Variants in STARD13 observed in about 807,000 individuals in gnomAD.
STARD13 encodes the protein stAR-related lipid transfer protein 13.
In STARD13, 62 loss-of-function variants were observed where a neutral mutation model predicts 106.4. The ratio of observed to expected loss-of-function variants is 0.58; its 90% CI spans 0.48 to 0.72. The LOEUF is 0.72. STARD13 is among the 30% of genes least tolerant of loss of function. The probability of loss-of-function intolerance (pLI) is 0.00; values close to 1 mark genes in which losing one functional copy is unlikely to be tolerated. For missense variants in STARD13, 1,387 were observed against 1,424.0 expected (o/e 0.97, Z 0.42); for synonymous variants, 565 against 553.0 (o/e 1.02, Z -0.31).
chr13:33,584,125 T>A, the STARD13 span, among the ~76,000 whole-genome samples: 4 of 152,226 alleles, frequency 2.6e-5, no homozygotes, highest in African/African-American at 7.2e-5. Flanking sequence ...TTGCCAACAC[T>A]TGTTATTTTA....
At chr13:33,200,824 A>G (rs986845178) in intron 1 of STARD13, among the ~76,000 whole-genome samples, 11 of 151,500 alleles carry the variant, frequency 7.3e-5, no homozygotes, top group South Asian at 2.1e-4. Context: ...GATTGAGACC[A>G]TCCTGGCTAA....
the STARD13 span, among the ~76,000 whole-genome samples, chr13:33,438,098 G>A: frequency 6.6e-6 from 1 of 152,114 alleles, no homozygotes; most frequent in Non-Finnish European, 1.5e-5. Context: ...AACTACGGTT[G>A]TTTCTTACTT....
chr13:33,110,837 T>C lies in STARD13; in HGVS notation c.2678A>G (p.Glu893Gly), dbSNP rs147449451. 4.3e-6 allele frequency: 7 copies of C among 1,613,996 alleles called. No individual in the cohort carries two copies. The highest frequency in any genetic ancestry group is 1.7e-5 in the Admixed American group (1 of 60,004). Reference sequence around the variant, plus strand: ...CTCCTCCAGCTGTGTCCCCAATTCTTCCAGGGTTGGCACGTGGATCTCAGC... The same window carrying C: ...CTCCTCCAGCTGTGTCCCCAATTCTCCCAGGGTTGGCACGTGGATCTCAGC... Reference protein sequence around the residue: ...VEAEIHVPTLEELGTQLEESG... With the variant: ...VEAEIHVPTLGELGTQLEESG... Residue 893 changes from glutamate to glycine, a missense_variant, in exon 11 of 14, where the codon GAA (glutamate) becomes GGA (glycine). Glu to Gly is a moderately conservative substitution (Grantham distance 98). Transcript: ENST00000336934.
At chr13:33,299,831 T>G (rs1480016659) in intron 1 of STARD13, among the ~76,000 whole-genome samples, 2 of 152,214 alleles carry the variant, frequency 1.3e-5, no homozygotes, top group African/African-American at 4.8e-5. Context: ...AGACATCATC[T>G]CTGTCGTAAT....
At chr13:33,607,794 T>C in the STARD13 span, among the ~76,000 whole-genome samples, 2 of 152,336 alleles carry the variant, frequency 1.3e-5, no homozygotes. Flanking sequence ...TTATTTGCAT[T>C]ACAATAACTA....
intron 1 of STARD13, among the ~76,000 whole-genome samples, chr13:33,294,518 G>T (rs1179901123): frequency 2.0e-5 from 3 of 152,136 alleles, no homozygotes; most frequent in East Asian, 3.8e-4. Flanking sequence ...CTGCATCTGG[G>T]TTATCAACCA....
intron 4 of STARD13, among the ~76,000 whole-genome samples, chr13:33,137,286 T>G (rs681738): frequency 0.32 from 49,300 of 151,982 alleles, 8,683 homozygotes; most frequent in Non-Finnish European, 0.41. Context: ...TGCAAGTGTT[T>G]TCTGTATAGG....
rs547592042 is a variant in STARD13 at position 33,109,986 on chromosome 13, G to T, written c.2934C>A (p.Asp978Glu). The part of the protein sequence containing the change: ...NRVLRERHLW[D>E]EDFVQWKVVE... ...CAACCTTCCACTGCACAAAGTCCTC[G>T]TCCCACAGGTGGCGCTCTCTCAGCA... The change falls in exon 12 of 14, where the codon GAC becomes GAA. Residue 978 changes from aspartate to glutamate, a missense_variant. Coordinates refer to ENST00000336934, the MANE Select transcript of STARD13 (RefSeq NM_178006.4). The T allele has an allele frequency of 1.9e-6, 3 of 1,614,164 alleles. No individual in the cohort carries two copies. The highest frequency in any genetic ancestry group is 2.5e-6 in the Non-Finnish European group (3 of 1,180,032).
chr13:33,345,398 TG>T (rs2078006999), downstream of STARD13, among the ~76,000 whole-genome samples: 1 of 152,206 alleles, frequency 6.6e-6, no homozygotes, highest in Non-Finnish European at 1.5e-5. Flanking sequence ...AAGGATTTGG[TG>T]GTCCACAGGT....
At chr13:33,265,644 C>T (rs1890860062) in intron 1 of STARD13, among the ~76,000 whole-genome samples, 1 of 152,078 alleles carries the variant, frequency 6.6e-6, no homozygotes, top group Non-Finnish European at 1.5e-5. Context: ...CTCCTTGCCA[C>T]TCATATTAAA....
the STARD13 span, among the ~76,000 whole-genome samples, chr13:33,528,258 A>ATATATATG: frequency 4.9e-5 from 6 of 121,836 alleles, 1 homozygote; most frequent in Non-Finnish European, 9.6e-5. Flanking sequence ...ATATATATAC[A>ATATATATG]TATATATATA....
intron 1 of STARD13, among the ~76,000 whole-genome samples, chr13:33,187,352 T>C (rs893953778): frequency 1.3e-5 from 2 of 152,222 alleles, no homozygotes; most frequent in Non-Finnish European, 2.9e-5. Context: ...CATTAGTTAA[T>C]ACTTGATTTA....
At chr13:33,598,821 G>T in the STARD13 span, among the ~76,000 whole-genome samples, 1 of 152,220 alleles carries the variant, frequency 6.6e-6, no homozygotes, top group African/African-American at 2.4e-5. Context: ...AGATGCCATG[G>T]GGCGGGAGCT....
chr13:33,250,880 T>C, intron 1 of STARD13, among the ~76,000 whole-genome samples: 1 of 152,184 alleles, frequency 6.6e-6, no homozygotes, highest in East Asian at 1.9e-4. Context: ...GGACAAGACT[T>C]AAGTCTGTCT....
chr13:33,113,397 A>T, intron 8 of STARD13: 1 of 423,528 alleles, frequency 2.4e-6, no homozygotes, highest in South Asian at 1.7e-5. Context: ...GTTAGGGAAC[A>T]GTAGCCTCGC....
intron 8 of STARD13, among the ~76,000 whole-genome samples, chr13:33,116,296 T>C (rs1328914973): frequency 6.6e-6 from 1 of 152,224 alleles, no homozygotes; most frequent in African/African-American, 2.4e-5. Context: ...TGTCACTTCC[T>C]CCATGAAGCC....
chr13:33,268,803 T>C (rs577831306), intron 1 of STARD13, among the ~76,000 whole-genome samples: 1 of 152,356 alleles, frequency 6.6e-6, no homozygotes, highest in South Asian at 2.1e-4. Flanking sequence ...TCTTAATAAC[T>C]CCATGTCAGA....
the STARD13 span, among the ~76,000 whole-genome samples, chr13:33,401,894 A>G: frequency 6.6e-6 from 1 of 152,312 alleles, no homozygotes; most frequent in South Asian, 2.1e-4. Context: ...CCAACACATC[A>G]AAGTATTTTT....
chr13:33,236,483 C>A (rs1367098974), intron 1 of STARD13, among the ~76,000 whole-genome samples: 1 of 152,202 alleles, frequency 6.6e-6, no homozygotes, highest in African/African-American at 2.4e-5. Flanking sequence ...CCTGGTTAAT[C>A]CTCTTAAGCC....
Sources: allele counts gnomAD v4.1 joint callset (sites outside exome capture counted in the v4.1 genomes callset), GRCh38; gene constraint gnomAD v4.1.1; transcripts MANE v1.5; gene names NCBI Gene and HGNC (gene_info 2026-07-23, HGNC 2026-07-21).